ADAMTSL1: variants seen among roughly 807,000 people sequenced by gnomAD.
ADAMTSL1 encodes ADAMTS-like protein 1.
ADAMTSL1 carries 126 observed loss-of-function variants against 201.8 expected under a neutral mutation model. The ratio of observed to expected loss-of-function variants is 0.62; its 90% CI spans 0.54 to 0.72. The LOEUF is 0.72. Ranked by LOEUF, ADAMTSL1 falls within the 30% of genes least tolerant of loss-of-function variation. The probability of loss-of-function intolerance (pLI) is 0.00; values close to 1 mark genes in which losing one functional copy is unlikely to be tolerated. For missense variants in ADAMTSL1, 2,679 were observed against 2,277.8 expected (o/e 1.18, Z -3.59); for synonymous variants, 1,121 against 903.4 (o/e 1.24, Z -4.32).
chr9:18,305,423 C>A (rs931014946), intron 2 of ADAMTSL1, among the ~76,000 whole-genome samples: 1 of 152,208 alleles, frequency 6.6e-6, no homozygotes, highest in African/African-American at 2.4e-5. Flanking sequence ...GGGGATCCGA[C>A]CCCCACAGAG....
intron 2 of ADAMTSL1, among the ~76,000 whole-genome samples, chr9:18,187,295 G>A (rs1004312442): frequency 6.6e-6 from 1 of 152,054 alleles, no homozygotes; most frequent in African/African-American, 2.4e-5. Flanking sequence ...CATTGTTCCT[G>A]GAGCCCTGAA....
At chr9:18,506,564 A>G (rs997717239) in intron 2 of ADAMTSL1, among the ~76,000 whole-genome samples, 1 of 150,046 alleles carries the variant, frequency 6.7e-6, no homozygotes, top group Non-Finnish European at 1.5e-5. Context: ...TCATTCAGCA[A>G]ATAATCAAAT....
intron 2 of ADAMTSL1, among the ~76,000 whole-genome samples, chr9:18,307,809 ATTTAGGAC>A (rs1833967314): frequency 6.6e-6 from 1 of 152,174 alleles, no homozygotes; most frequent in African/African-American, 2.4e-5. Context: ...TAACAAGGAT[ATTTAGGAC>A]TTCAACTCAG....
In ADAMTSL1 at chr9:18,375,337, T is replaced by A. The variant is rs138310737; in HGVS notation, c.208-129492T>A. ...TTACTGGTGGGCTAATTGCTATTTT[T>A]TTTATTTTATTTATTTTATATTATA... On this transcript the variant is annotated intron_variant, in intron 2 of 29. Coordinates refer to the ADAMTSL1 transcript ENST00000680146. Among the ~76,000 whole-genome samples the A allele has an allele frequency of 1.5e-3, 235 of 152,288 alleles. 1 individual carries two copies. Among genetic ancestry groups the A allele is most frequent in the South Asian group, 6.0e-3 (29 of 4,828 alleles).
intron 1 of ADAMTSL1, among the ~76,000 whole-genome samples, chr9:17,981,064 C>A (rs373156715): frequency 6.6e-6 from 1 of 152,184 alleles, no homozygotes; most frequent in East Asian, 1.9e-4. Flanking sequence ...TCCCCATGAT[C>A]CAGATACTTC....
intron 23 of ADAMTSL1, among the ~76,000 whole-genome samples, chr9:18,865,196 C>G (rs1441092917): frequency 6.6e-6 from 1 of 152,132 alleles, no homozygotes; most frequent in Non-Finnish European, 1.5e-5. Flanking sequence ...CCCGCTCCCC[C>G]CACCCCACAA....
chr9:18,797,199 G>T (rs565758914), intron 20 of ADAMTSL1, among the ~76,000 whole-genome samples: 2 of 152,310 alleles, frequency 1.3e-5, no homozygotes, highest in South Asian at 4.1e-4. Flanking sequence ...CACACCCAGG[G>T]CATAGGGAGC....
At position 18,622,389 on chromosome 9, in the gene ADAMTSL1, G is replaced by T. The variant is rs1307043688; in HGVS notation, c.601+20G>T. 1 of 1,613,958 alleles carries T rather than the reference G, an allele frequency of 6.2e-7. No homozygotes were observed. The highest frequency in any genetic ancestry group is 1.7e-5 in the Admixed American group (1 of 60,004). On this transcript the variant is annotated intron_variant, in intron 5 of 28. Transcript: ENST00000380548. ...CCAAATGTAAGACACACAGAGATGG[G>T]CGACCTTTGGACTTGTTGACTTATC...
intron 1 of ADAMTSL1, among the ~76,000 whole-genome samples, chr9:18,111,062 T>G (rs1267267029): frequency 6.6e-6 from 1 of 152,138 alleles, no homozygotes; most frequent in Non-Finnish European, 1.5e-5. Flanking sequence ...TTTTGCAGAG[T>G]GAAGTGTAGA....
chr9:18,289,494 C>G (rs1305513993), intron 2 of ADAMTSL1, among the ~76,000 whole-genome samples: 1 of 152,150 alleles, frequency 6.6e-6, no homozygotes, highest in Non-Finnish European at 1.5e-5. Context: ...TTCAGCCAAC[C>G]ATAGGAATCA....
chr9:18,901,592 A>T (rs1830021161), intron 26 of ADAMTSL1, among the ~76,000 whole-genome samples: 1 of 152,222 alleles, frequency 6.6e-6, no homozygotes, highest in Non-Finnish European at 1.5e-5. Flanking sequence ...ATCAAAATTC[A>T]AATTAGATTG....
At chr9:18,347,282 G>A (rs1835770464) in intron 2 of ADAMTSL1, among the ~76,000 whole-genome samples, 1 of 151,786 alleles carries the variant, frequency 6.6e-6, no homozygotes, top group South Asian at 2.1e-4. Flanking sequence ...GATGTCTCTG[G>A]TAGCAGGAAT....
intron 2 of ADAMTSL1, among the ~76,000 whole-genome samples, chr9:18,422,445 G>A: frequency 6.6e-6 from 1 of 151,178 alleles, no homozygotes; most frequent in East Asian, 1.9e-4. Flanking sequence ...CCTCCCTGTG[G>A]GTTTTCATGT....
intron 2 of ADAMTSL1, among the ~76,000 whole-genome samples, chr9:18,396,678 G>A (rs1418842140): frequency 6.6e-6 from 1 of 151,278 alleles, no homozygotes; most frequent in African/African-American, 2.4e-5. Context: ...TTAAAAACTG[G>A]GATCCCTTGC....
intron 1 of ADAMTSL1, among the ~76,000 whole-genome samples, chr9:18,500,389 T>C (rs1351947865): frequency 2.0e-5 from 3 of 152,166 alleles, no homozygotes; most frequent in Non-Finnish European, 2.9e-5. Flanking sequence ...TTCCATAAAA[T>C]TGGCATTTAC....
intron 2 of ADAMTSL1, among the ~76,000 whole-genome samples, chr9:18,242,237 T>C (rs1482435748): frequency 2.0e-5 from 3 of 152,152 alleles, no homozygotes; most frequent in African/African-American, 7.2e-5. Context: ...ATATATCATG[T>C]TAACTGAATG....
intron 23 of ADAMTSL1, among the ~76,000 whole-genome samples, chr9:18,838,291 C>T (rs1418991678): frequency 1.3e-5 from 2 of 151,654 alleles, no homozygotes; most frequent in Non-Finnish European, 2.9e-5. Flanking sequence ...AGGTTTCTCC[C>T]ATGACATGTG....
intron 3 of ADAMTSL1, among the ~76,000 whole-genome samples, chr9:18,567,055 C>T (rs1421498675): frequency 6.6e-6 from 1 of 152,176 alleles, no homozygotes; most frequent in Non-Finnish European, 1.5e-5. Flanking sequence ...TATTAAGCCT[C>T]ACCCCAGGTC....
chr9:18,096,302 C>T (rs898879292), intron 1 of ADAMTSL1, among the ~76,000 whole-genome samples: 62 of 152,286 alleles, frequency 4.1e-4, no homozygotes, highest in African/African-American at 1.5e-3. Context: ...TTACCGTATT[C>T]CCTTCTTTAT....
Sources: allele counts gnomAD v4.1 joint callset (sites outside exome capture counted in the v4.1 genomes callset), GRCh38; gene constraint gnomAD v4.1.1; transcripts MANE v1.5; gene names NCBI Gene and HGNC (gene_info 2026-07-23, HGNC 2026-07-21).